The following FBXO38 variants were observed in gnomAD, a reference collection of about 807,000 sequenced individuals.
FBXO38 encodes the protein F-box only protein 38.
FBXO38 carries 53 observed loss-of-function variants against 131.9 expected under a neutral mutation model. That is an observed-to-expected ratio of 0.40 (90% CI 0.32 to 0.51). The LOEUF (loss-of-function observed/expected upper bound fraction) is 0.51. FBXO38 is among the 20% of genes least tolerant of loss of function. The pLI is 0.53. For synonymous variants in FBXO38, 452 were observed against 505.6 expected (o/e 0.89, Z 1.42); for missense variants, 1,076 against 1,475.6 (o/e 0.73, Z 4.44).
intron 1 of FBXO38, among the ~76,000 whole-genome samples, chr5:148,392,932 C>G (rs1182880467): frequency 6.6e-6 from 1 of 152,046 alleles, no homozygotes; most frequent in Non-Finnish European, 1.5e-5. Context: ...GGGCAGTAAA[C>G]AAGAAAAGGT....
At chr5:148,422,086 A>T (rs2113609862) in intron 12 of FBXO38, among the ~76,000 whole-genome samples, 1 of 151,974 alleles carries the variant, frequency 6.6e-6, no homozygotes, top group East Asian at 1.9e-4. Flanking sequence ...ATAGCTTTCA[A>T]ACTGGCCTAT....
chr5:148,427,926 G>A lies in FBXO38; in HGVS notation c.2632G>A (p.Val878Ile). The change falls in exon 15 of 22, where the codon GTA becomes ATA. Residue 878 changes from valine to isoleucine, a missense_variant. Physicochemically the swap from Val to Ile is conservative, Grantham distance 29. Around this residue, in one of 8 missense-constraint regions of FBXO38, gnomAD observed 282 missense variants for 418.8 expected, o/e 0.67. Coordinates refer to ENST00000340253, the MANE Select transcript of FBXO38 (RefSeq NM_205836.3). ...LTRARSRLSH[V>I]LLVSESEVAK... ...CAGGGCCAGGAGCAGACTGTCCCATGTACTGCTGGTATCTGAGTCAGGTAT... is the reference window on the plus strand; with the variant it reads ...CAGGGCCAGGAGCAGACTGTCCCATATACTGCTGGTATCTGAGTCAGGTAT... 6.6e-7 allele frequency: 1 copy of A among 1,517,672 alleles called. No individual in the cohort carries two copies. 94.0% of individuals were successfully genotyped at this position (1,517,672 alleles called of 1,614,324 possible).
chr5:148,387,690 CTT>C (rs142417126), intron 1 of FBXO38, among the ~76,000 whole-genome samples: 12 of 126,682 alleles, frequency 9.5e-5, no homozygotes, highest in Non-Finnish European at 1.0e-4. Context: ...GAATTTATTT[CTT>C]TTTTTTTTTT....
Position 148,438,382 on chromosome 5 carries a change from G to T in FBXO38, c.2908G>T (p.Val970Leu), listed in dbSNP as rs1754471311. The T allele has an allele frequency of 1.2e-6, 2 of 1,613,962 alleles. No individual in the cohort carries two copies. The highest frequency in any genetic ancestry group is 1.1e-5 in the South Asian group (1 of 91,078). ...TTTAAAGGTAGAAAATGCACCAATTGTAAACCGATTTGACTATGCACAGTG... is the reference window on the plus strand; with the variant it reads ...TTTAAAGGTAGAAAATGCACCAATTTTAAACCGATTTGACTATGCACAGTG... ...KHLKVENAPIVNRFDYAQCKK... is the reference protein window; with the variant it reads ...KHLKVENAPILNRFDYAQCKK... The change falls in exon 18 of 22, where the codon GTA (valine) becomes TTA (leucine). Residue 970 changes from valine to leucine, a missense_variant. Physicochemically the swap from Val to Leu is conservative, Grantham distance 32. Around this residue, in one of 8 missense-constraint regions of FBXO38, gnomAD observed 282 missense variants for 418.8 expected, o/e 0.67. Coordinates refer to ENST00000340253, the MANE Select transcript of FBXO38 (RefSeq NM_205836.3).
At chr5:148,431,773 C>G (rs1754056301) in intron 15 of FBXO38, among the ~76,000 whole-genome samples, 1 of 152,158 alleles carries the variant, frequency 6.6e-6, no homozygotes, top group Admixed American at 6.5e-5. Context: ...TGGGAGAAGG[C>G]CTACGTTGTG....
At chr5:148,398,800 A>G (rs1447719049) in intron 2 of FBXO38, among the ~76,000 whole-genome samples, 199 bp from the exon 3 acceptor site, 1 of 151,828 alleles carries the variant, frequency 6.6e-6, no homozygotes, top group Non-Finnish European at 1.5e-5. Flanking sequence ...TCAATACCTT[A>G]TTTGGATACT....
intron 1 of FBXO38, among the ~76,000 whole-genome samples, chr5:148,387,637 A>G (rs904167545): frequency 7.9e-5 from 12 of 151,196 alleles, no homozygotes; most frequent in Admixed American, 5.3e-4. Context: ...GTTTGCCCAT[A>G]TCCATCAGAG....
chr5:148,425,420 C>G, intron 13 of FBXO38, 102 bp from the exon 14 acceptor site: 1 of 888,086 alleles, frequency 1.1e-6, no homozygotes, highest in Non-Finnish European at 1.8e-6. Flanking sequence ...CTGTATAGAG[C>G]CACAAAGCAT....
intron 9 of FBXO38, chr5:148,413,872 C>T: frequency 3.3e-6 from 1 of 301,934 alleles, no homozygotes. Flanking sequence ...AGAATTTTTG[C>T]CTTTTCTCTT....
chr5:148,430,061 C>T (rs769491763), intron 15 of FBXO38: 1 of 150,620 alleles, frequency 6.6e-6, no homozygotes, highest in African/African-American at 2.4e-5. Context: ...GGGGAGATAT[C>T]AAAGTACTGA....
rs752609855 is a variant in FBXO38 at position 148,427,404 on chromosome 5, T to A, written c.2110T>A (p.Cys704Ser). ...KKKNKDVYPS[C>S]SSTTASTVGN... ...AAAAAACAAGGATGTTTATCCCAGC[T>A]GCAGCAGCACCACCGCCAGCACAGT... is the stretch of plus-strand genomic sequence containing the variant. The change falls in exon 15 of 22, where the codon TGC becomes AGC. Residue 704 changes from cysteine (C) to serine (S), a missense_variant. Physicochemically the swap from Cys to Ser is moderately radical, Grantham distance 112 (BLOSUM62 -1). This residue lies in a region of FBXO38 where 213 missense variants were observed against 225.2 expected (regional missense o/e 0.95). Transcript: ENST00000340253. 116 of 1,614,170 alleles carry A rather than the reference T, an allele frequency of 7.2e-5. 5 individuals are homozygous for A. The South Asian group carries it at 1.3e-3, about 18-fold the overall frequency.
chr5:148,418,789 A>G (rs1753221574), intron 12 of FBXO38, among the ~76,000 whole-genome samples: 1 of 152,242 alleles, frequency 6.6e-6, no homozygotes, highest in African/African-American at 2.4e-5. Flanking sequence ...CTGGAAGATT[A>G]CTTTGCCATG....
intron 6 of FBXO38, among the ~76,000 whole-genome samples, chr5:148,405,876 A>T (rs763368298): frequency 2.0e-4 from 30 of 152,102 alleles, no homozygotes; most frequent in Non-Finnish European, 3.7e-4. Context: ...ACAGGACCAT[A>T]TCTTTTGTGA....
chr5:148,425,651 C>T lies in FBXO38; in HGVS notation c.1868C>T (p.Ser623Phe). The change falls in exon 14 of 22, where the codon TCT becomes TTT. Residue 623 changes from serine to phenylalanine, a missense_variant. Transcript: ENST00000340253. ...CCTAAGAACGGTACTCGGCGTTACTCTGAACGTGAAGAAAAAACTGGAGAG... is the reference window on the plus strand; with the variant it reads ...CCTAAGAACGGTACTCGGCGTTACTTTGAACGTGAAGAAAAAACTGGAGAG... ...WIPKNGTRRY[S>F]EREEKTGESV... 1 of 1,614,078 alleles carries T rather than the reference C, an allele frequency of 6.2e-7. No individual in the cohort carries two copies. Among genetic ancestry groups the T allele is most frequent in the Non-Finnish European group, 8.5e-7 (1 of 1,179,944 alleles).
In FBXO38 at chr5:148,442,271, A is replaced by G; in HGVS notation, c.*124A>G. Reference sequence around the variant, plus strand: ...TCCTGGCTCGGTTTGCTATATAGGGAATATATAAGGAACATCGAAATTGTA... The same window carrying G: ...TCCTGGCTCGGTTTGCTATATAGGGGATATATAAGGAACATCGAAATTGTA... On this transcript the variant is annotated 3_prime_UTR_variant, in exon 22 of 22. Coordinates refer to ENST00000340253, the MANE Select transcript of FBXO38 (RefSeq NM_205836.3). 1 of 737,592 alleles carries G rather than the reference A, an allele frequency of 1.4e-6. No homozygotes were observed. Among genetic ancestry groups the G allele is most frequent in the Non-Finnish European group, 2.2e-6 (1 of 445,410 alleles). 45.7% of individuals were successfully genotyped at this position (737,592 alleles called of 1,614,324 possible). A position where few individuals can be genotyped will look rare whatever the true frequency, so the allele number is the denominator to read the frequency against.
intron 17 of FBXO38, among the ~76,000 whole-genome samples, chr5:148,437,146 C>G (rs1403618917): frequency 6.6e-6 from 1 of 152,222 alleles, no homozygotes; most frequent in Non-Finnish European, 1.5e-5. Flanking sequence ...AATGATGGAT[C>G]ACACGGCCTC....
In FBXO38 at chr5:148,427,485, G is replaced by A; in HGVS notation, c.2191G>A (p.Val731Met). 1 of 1,614,244 alleles carries A rather than the reference G, an allele frequency of 6.2e-7. No homozygotes were observed. Among genetic ancestry groups the A allele is most frequent in the Non-Finnish European group, 8.5e-7 (1 of 1,180,044 alleles). The change falls in exon 15 of 22, where the codon GTG becomes ATG. Residue 731 changes from valine to methionine, a missense_variant. This residue lies in a region of FBXO38 where 213 missense variants were observed against 225.2 expected (regional missense o/e 0.95). Transcript: ENST00000340253. Reference protein sequence around the residue: ...ASQSPDFVRTVNSGGSSEPSP... With the variant: ...ASQSPDFVRTMNSGGSSEPSP... Reference sequence around the variant, plus strand: ...TCAAAGCCCCGACTTTGTAAGGACGGTGAACAGCGGCGGCTCTTCCGAGCC... The same window carrying A: ...TCAAAGCCCCGACTTTGTAAGGACGATGAACAGCGGCGGCTCTTCCGAGCC...
chr5:148,392,603 G>GTGTGTGTGTGTT (rs1363669510), intron 1 of FBXO38, among the ~76,000 whole-genome samples: 1 of 151,626 alleles, frequency 6.6e-6, no homozygotes, highest in East Asian at 1.9e-4. Flanking sequence ...GTGTGTGTGT[G>GTGTGTGTGTGTT]TGTGTGTGTG....
chr5:148,421,113 C>T (rs1753400565), intron 12 of FBXO38, among the ~76,000 whole-genome samples: 1 of 152,198 alleles, frequency 6.6e-6, no homozygotes, highest in East Asian at 1.9e-4. Context: ...ACTATAGGCG[C>T]GTGCCATCAC....
Sources: allele counts gnomAD v4.1 joint callset (sites outside exome capture counted in the v4.1 genomes callset), GRCh38; gene constraint gnomAD v4.1.1; regional missense constraint gnomAD v4.1.1; transcripts MANE v1.5; gene names NCBI Gene and HGNC (gene_info 2026-07-23, HGNC 2026-07-21).